Variants in RNF220 observed in about 807,000 individuals in gnomAD.
The protein encoded by RNF220 is ring finger protein 220.
RNF220 carries 7 observed loss-of-function variants against 67.1 expected under a neutral mutation model. The observed-to-expected ratio is 0.10, with a 90% CI of 0.06 to 0.20. The LOEUF (loss-of-function observed/expected upper bound fraction) is 0.20, where lower values mean the gene tolerates loss of function less well. Among genes scored for constraint, RNF220 ranks in the 10% least tolerant of loss-of-function variants. The pLI is 1.00. For synonymous variants in RNF220, 270 were observed against 283.2 expected (o/e 0.95, Z 0.47); for missense variants, 565 against 740.3 (o/e 0.76, Z 2.75).
intron 2 of RNF220, among the ~76,000 whole-genome samples, chr1:44,475,135 A>G (rs1029948567): frequency 1.3e-5 from 2 of 152,210 alleles, no homozygotes; most frequent in Non-Finnish European, 2.9e-5. Flanking sequence ...TTCTTGTTCC[A>G]CTAAAAACTA....
chr1:44,541,198 T>C (rs1661644242), intron 2 of RNF220, among the ~76,000 whole-genome samples: 1 of 151,990 alleles, frequency 6.6e-6, no homozygotes, highest in Non-Finnish European at 1.5e-5. Flanking sequence ...GAGACCGAGG[T>C]GGGTGGATCA....
intron 2 of RNF220, among the ~76,000 whole-genome samples, chr1:44,531,334 G>T (rs1445022207): frequency 6.6e-6 from 1 of 152,210 alleles, no homozygotes; most frequent in Non-Finnish European, 1.5e-5. Context: ...TGGCTTTGCA[G>T]GTCTTGTCCT....
At chr1:44,468,927 G>T (rs916880031) in intron 2 of RNF220, among the ~76,000 whole-genome samples, 8 of 145,278 alleles carry the variant, frequency 5.5e-5, no homozygotes, top group African/African-American at 1.8e-4. Context: ...AAAAAAAAAA[G>T]AATAGAATTG....
intron 2 of RNF220, among the ~76,000 whole-genome samples, chr1:44,573,498 G>T (rs1236889152): frequency 6.6e-6 from 1 of 152,220 alleles, no homozygotes; most frequent in African/African-American, 2.4e-5. Context: ...ATGGAAAGCA[G>T]ACCTGGAGTG....
At chr1:44,532,146 T>A (rs1159944461) in intron 2 of RNF220, among the ~76,000 whole-genome samples, 1 of 152,144 alleles carries the variant, frequency 6.6e-6, no homozygotes. Context: ...TCACATACAT[T>A]TATTATTATT....
intron 1 of RNF220, among the ~76,000 whole-genome samples, chr1:44,406,120 C>T (rs1647305428): frequency 6.6e-6 from 1 of 152,194 alleles, no homozygotes. Context: ...CCGACAGCCT[C>T]CACCCCACAC....
chr1:44,551,544 G>A (rs1405856236), intron 2 of RNF220, among the ~76,000 whole-genome samples: 1 of 152,096 alleles, frequency 6.6e-6, no homozygotes, highest in African/African-American at 2.4e-5. Context: ...AAAAGCTGTT[G>A]ATACGTATTG....
intron 8 of RNF220, among the ~76,000 whole-genome samples, chr1:44,639,866 T>G (rs1440271730): frequency 6.6e-6 from 1 of 152,244 alleles, no homozygotes; most frequent in African/African-American, 2.4e-5. Context: ...TTCGGCTCAC[T>G]GCAACCTCCA....
chr1:44,601,085 A>T (rs925267130), intron 2 of RNF220, among the ~76,000 whole-genome samples: 3 of 152,190 alleles, frequency 2.0e-5, no homozygotes, highest in African/African-American at 7.2e-5. Flanking sequence ...AAGGACATGG[A>T]TCTCATTGTA....
At chr1:44,556,818 C>G (rs943952406) in intron 2 of RNF220, among the ~76,000 whole-genome samples, 12 of 152,168 alleles carry the variant, frequency 7.9e-5, no homozygotes, top group Non-Finnish European at 1.8e-4. Context: ...CTCGGCCTCC[C>G]AAAGTTCTGG....
chr1:44,503,088 C>A (rs1269868759), intron 2 of RNF220, among the ~76,000 whole-genome samples: 1 of 152,030 alleles, frequency 6.6e-6, no homozygotes, highest in Non-Finnish European at 1.5e-5. Flanking sequence ...AATCCCAGCA[C>A]TTTTGGAGGC....
rs534540642 is a variant in RNF220 at position 44,650,098 on chromosome 1, C to G, written c.1629+141C>G. 1.1e-4 allele frequency: 93 copies of G among 879,286 alleles called. No homozygotes were observed. In the Middle Eastern group the frequency reaches 1.3e-3, roughly 13 times the overall value. 54.5% of individuals were successfully genotyped at this position (879,286 alleles called of 1,614,324 possible). On this transcript the variant is annotated intron_variant, in intron 14 of 14. Coordinates refer to ENST00000361799, the MANE Select transcript of RNF220 (RefSeq NM_018150.4). The surrounding 1 kb of genome is among the most constrained non-coding windows in gnomAD (Gnocchi z 4.3). ...AGCCAGGAGCCAGGATATTTACCCGCAGGATATTTACCCCCAGGCTCGCTG... is the reference window on the plus strand; with the variant it reads ...AGCCAGGAGCCAGGATATTTACCCGGAGGATATTTACCCCCAGGCTCGCTG...
intron 2 of RNF220, among the ~76,000 whole-genome samples, chr1:44,486,052 A>AT (rs538552251): frequency 6.6e-4 from 100 of 151,936 alleles, no homozygotes; most frequent in Non-Finnish European, 1.2e-3. Context: ...TTACTTTTTT[A>AT]TTTTTTTGTC....
intron 2 of RNF220, among the ~76,000 whole-genome samples, chr1:44,441,012 A>C (rs1651491335): frequency 6.6e-6 from 1 of 152,184 alleles, no homozygotes. Context: ...TCCCATGTGA[A>C]GCCTGTCAAG....
intron 2 of RNF220, among the ~76,000 whole-genome samples, chr1:44,433,509 GT>G (rs986389463): frequency 6.6e-6 from 1 of 152,148 alleles, no homozygotes; most frequent in Non-Finnish European, 1.5e-5. Context: ...GAAAATTGGA[GT>G]TTTTTCCAAT....
In RNF220 at chr1:44,650,019, C is replaced by CT; in HGVS notation, c.1629+64dup. On this transcript the variant is annotated intron_variant, in intron 14 of 14. Transcript: ENST00000361799. The surrounding 1 kb of genome is among the most constrained non-coding windows in gnomAD (Gnocchi z 4.3). The stretch of plus-strand genomic sequence containing the variant: ...TCCGGGCACTGCCCAGATGTCTGTG[C>CT]TTATGCCTGAGCCTGCCTGGGGGAA... 6.5e-7 allele frequency: 1 copy of CT among 1,541,746 alleles called. No individual in the cohort carries two copies. The highest frequency in any genetic ancestry group is 2.2e-5 in the East Asian group (1 of 44,488).
At chr1:44,541,899 G>A (rs1661701459) in intron 2 of RNF220, among the ~76,000 whole-genome samples, 1 of 152,190 alleles carries the variant, frequency 6.6e-6, no homozygotes, top group Non-Finnish European at 1.5e-5. Context: ...TAAATTTTGA[G>A]AGATTCCTCT....
At chr1:44,636,318 T>C in intron 8 of RNF220, 156 bp downstream of exon 8, 1 of 908,498 alleles carries the variant, frequency 1.1e-6, no homozygotes, top group Non-Finnish European at 1.8e-6. Context: ...GTGACCGTGC[T>C]GCCTGCCTGT....
chr1:44,568,853 C>T (rs1664227052), intron 2 of RNF220, among the ~76,000 whole-genome samples: 1 of 152,180 alleles, frequency 6.6e-6, no homozygotes, highest in South Asian at 2.1e-4. Flanking sequence ...CATGGGAAGG[C>T]TTCGGAGGCT....
Sources: gnomAD v4.1 joint callset for allele counts (sites outside exome capture counted in the v4.1 genomes callset) on GRCh38, gnomAD v4.1.1 for gene constraint, Gnocchi (gnomAD v3.1) non-coding constraint, MANE v1.5 for transcripts, NCBI Gene and HGNC (gene_info 2026-07-23, HGNC 2026-07-21) for gene names.